Variants in ADCY8 observed in about 807,000 individuals in gnomAD.
ADCY8 encodes adenylate cyclase 8, also known as adenylate cyclase type 8.
ADCY8 carries 51 observed loss-of-function variants against 119.7 expected under a neutral mutation model. That is an observed-to-expected ratio of 0.43 (90% CI 0.34 to 0.54). The LOEUF (loss-of-function observed/expected upper bound fraction) is 0.54, where lower values mean the gene tolerates loss of function less well. ADCY8 is among the 20% of genes least tolerant of loss of function. The pLI, the probability that ADCY8 is intolerant of heterozygous loss-of-function variation, is 0.03. For missense variants in ADCY8, 1,383 were observed against 1,598.8 expected, an observed-to-expected ratio of 0.87 and a Z score of 2.30; for synonymous variants, 665 against 651.0, an observed-to-expected ratio of 1.02 and a Z score of -0.33.
chr8:130,943,561 T>C (rs1821024675), intron 3 of ADCY8, 99 bp from the exon 4 acceptor site: 2 of 712,310 alleles, frequency 2.8e-6, no homozygotes, highest in Non-Finnish European at 4.8e-6. Flanking sequence ...AGATAAACTG[T>C]CTTTGTGGTC....
In ADCY8 at chr8:131,020,624, C is replaced by T. The variant is rs576508679; in HGVS notation, c.960+18750G>A. Among the ~76,000 whole-genome samples the T allele has an allele frequency of 3.3e-5, 5 of 152,330 alleles. No homozygotes were observed. The South Asian group carries it at 1.0e-3, about 32-fold the overall frequency. ...TACTTTTTAGAGTCCAATTATTCTACATCTTACCAATTATTTATAACTTCA... is the reference window on the plus strand; with the variant it reads ...TACTTTTTAGAGTCCAATTATTCTATATCTTACCAATTATTTATAACTTCA... On this transcript the variant is annotated intron_variant, in intron 1 of 17. Coordinates refer to ENST00000286355, the MANE Select transcript of ADCY8 (RefSeq NM_001115.3).
intron 1 of ADCY8, among the ~76,000 whole-genome samples, chr8:130,999,511 G>A (rs1381868241): frequency 6.6e-6 from 1 of 152,158 alleles, no homozygotes; most frequent in Non-Finnish European, 1.5e-5. Context: ...GTGGAGGTGG[G>A]AAAGGGGGAT....
intron 2 of ADCY8, among the ~76,000 whole-genome samples, chr8:130,977,941 T>C (rs1822122818): frequency 6.6e-6 from 1 of 152,200 alleles, no homozygotes; most frequent in Non-Finnish European, 1.5e-5. Context: ...TATTGTGAAA[T>C]ATCTTCCACT....
chr8:130,866,652 C>T (rs910475410), intron 9 of ADCY8, among the ~76,000 whole-genome samples: 2 of 152,124 alleles, frequency 1.3e-5, no homozygotes, highest in African/African-American at 2.4e-5. Flanking sequence ...CAAATTTTTC[C>T]TTGAGTCATG....
At chr8:130,975,154 G>T (rs141541156) in intron 2 of ADCY8, among the ~76,000 whole-genome samples, 184 of 152,216 alleles carry the variant, frequency 1.2e-3, no homozygotes, top group African/African-American at 4.4e-3. Context: ...GGAGAAGGAA[G>T]GCATTTTATA....
intron 5 of ADCY8, among the ~76,000 whole-genome samples, chr8:130,934,112 A>G (rs1467482184): frequency 6.6e-6 from 1 of 152,232 alleles, no homozygotes; most frequent in African/African-American, 2.4e-5. Flanking sequence ...TGATGGGTTT[A>G]CTGATTGACA....
chr8:130,921,258 G>A (rs1451550204), intron 5 of ADCY8, among the ~76,000 whole-genome samples: 1 of 151,982 alleles, frequency 6.6e-6, no homozygotes, highest in East Asian at 1.9e-4. Context: ...AAGAAGTGGA[G>A]GTTCCCATTC....
chr8:130,892,145 G>C (rs918762475), intron 7 of ADCY8: 2 of 152,070 alleles, frequency 1.3e-5, no homozygotes, highest in African/African-American at 4.8e-5. Context: ...CGATATAACA[G>C]GGGTCAGAAT....
chr8:130,992,018 A>C (rs977174275), intron 1 of ADCY8, among the ~76,000 whole-genome samples: 1 of 151,340 alleles, frequency 6.6e-6, no homozygotes, highest in Non-Finnish European at 1.5e-5. Flanking sequence ...GGCCAATAGA[A>C]TATAACCATT....
chr8:130,813,388 T>TTCTCCCC (rs1376219661), intron 14 of ADCY8, among the ~76,000 whole-genome samples: 3 of 152,178 alleles, frequency 2.0e-5, no homozygotes, highest in Non-Finnish European at 4.4e-5. Context: ...ATAACTCCAA[T>TTCTCCCC]TCTCCCCTCC....
intron 4 of ADCY8, among the ~76,000 whole-genome samples, chr8:130,937,921 C>T (rs1391332988): frequency 1.3e-5 from 2 of 152,106 alleles, no homozygotes. Flanking sequence ...TCCATTTCAC[C>T]GGTGAGAAGT....
chr8:130,931,105 T>A (rs972779499), intron 5 of ADCY8, among the ~76,000 whole-genome samples: 1 of 152,214 alleles, frequency 6.6e-6, no homozygotes, highest in Non-Finnish European at 1.5e-5. Flanking sequence ...TCCTTTAGCG[T>A]TTCTTATAAG....
intron 2 of ADCY8, among the ~76,000 whole-genome samples, chr8:130,971,800 T>C (rs7461026): frequency 0.69 from 105,270 of 152,068 alleles, 40,241 homozygotes; most frequent in East Asian, 0.94. Context: ...AGTGAAGCAA[T>C]GATGATATGA....
At chr8:130,858,111 G>A (rs940648336) in intron 9 of ADCY8, among the ~76,000 whole-genome samples, 27 of 152,164 alleles carry the variant, frequency 1.8e-4, no homozygotes, top group Non-Finnish European at 3.8e-4. Flanking sequence ...TGTAGGACAA[G>A]ATGTTCTAGG....
intron 3 of ADCY8, among the ~76,000 whole-genome samples, chr8:130,945,397 C>A: frequency 6.6e-6 from 1 of 152,206 alleles, no homozygotes; most frequent in East Asian, 1.9e-4. Flanking sequence ...TCCGTGGTGG[C>A]AGAACATATG....
chr8:131,002,182 T>C (rs1276994769), intron 1 of ADCY8, among the ~76,000 whole-genome samples: 1 of 152,226 alleles, frequency 6.6e-6, no homozygotes. Context: ...CCTCAAAATG[T>C]TGGATAATCA....
intron 17 of ADCY8, among the ~76,000 whole-genome samples, chr8:130,781,985 T>C (rs1429789198): frequency 1.3e-5 from 2 of 152,068 alleles, no homozygotes; most frequent in Admixed American, 6.6e-5. Flanking sequence ...TGGGGAGAGA[T>C]AGAAAATAAT....
At chr8:130,874,141 C>T (rs1012360911) in intron 8 of ADCY8, among the ~76,000 whole-genome samples, 9 of 151,838 alleles carry the variant, frequency 5.9e-5, no homozygotes, top group Non-Finnish European at 1.0e-4. Flanking sequence ...AATCCTGTCT[C>T]TGCTAAAAAT....
At chr8:130,992,413 A>AGCACC (rs775851387) in intron 1 of ADCY8, among the ~76,000 whole-genome samples, 1 of 125,070 alleles carries the variant, frequency 8.0e-6, no homozygotes, top group Non-Finnish European at 1.6e-5. Flanking sequence ...ATATATATAT[A>AGCACC]TATATATATA....
Sources: allele counts gnomAD v4.1 joint callset (sites outside exome capture counted in the v4.1 genomes callset), GRCh38; gene constraint gnomAD v4.1.1; transcripts MANE v1.5; gene names NCBI Gene and HGNC (gene_info 2026-07-23, HGNC 2026-07-21).